The following GCFC2 variants were observed in gnomAD, a reference collection of about 807,000 sequenced individuals.
GCFC2 encodes GC-rich sequence DNA-binding factor 2.
Under a neutral mutation model 99.4 loss-of-function variants are expected in GCFC2, and 102 were observed. The observed-to-expected ratio is 1.03, with a 90% CI of 0.87 to 1.21. The LOEUF (loss-of-function observed/expected upper bound fraction) is 1.21. Among genes scored for constraint, GCFC2 ranks in the 50% most tolerant of loss-of-function variants. The pLI, the probability that GCFC2 is intolerant of heterozygous loss-of-function variation, is 0.00. For missense variants in GCFC2, 973 were observed against 920.9 expected (o/e 1.06, Z -0.73); for synonymous variants, 338 against 316.8 (o/e 1.07, Z -0.71).
intron 12 of GCFC2, among the ~76,000 whole-genome samples, chr2:75,676,044 A>G (rs7590218): frequency 0.5 from 75,766 of 151,896 alleles, 20,466 homozygotes; most frequent in African/African-American, 0.73. Context: ...AATGTTGGGG[A>G]TGGTTGGGGA....
intron 2 of GCFC2, among the ~76,000 whole-genome samples, chr2:75,704,119 GGAGGAATCAATAATGT>G (rs1403771572): frequency 2.0e-5 from 3 of 152,194 alleles, no homozygotes; most frequent in African/African-American, 7.2e-5. Context: ...GGCAGACATA[GGAGGAATCAATAATGT>G]CAGCATATTG....
At chr2:75,669,444 TTTC>T (rs1678988398) in intron 15 of GCFC2, among the ~76,000 whole-genome samples, 1 of 152,190 alleles carries the variant, frequency 6.6e-6, no homozygotes, top group Non-Finnish European at 1.5e-5. Flanking sequence ...TTTCTCATAA[TTTC>T]TTCTTTTGCC....
intron 1 of GCFC2, among the ~76,000 whole-genome samples, chr2:75,708,180 C>T (rs796240851): frequency 5.3e-5 from 8 of 152,218 alleles, no homozygotes; most frequent in African/African-American, 1.9e-4. Context: ...AACATGAGCC[C>T]GGTTGTGCCT....
chr2:75,691,851 G>A, intron 7 of GCFC2, 126 bp downstream of exon 7: 2 of 398,902 alleles, frequency 5.0e-6, no homozygotes, highest in Non-Finnish European at 4.2e-6. Flanking sequence ...GTTTTTGGAA[G>A]TTGGTGGGTA....
intron 4 of GCFC2, 73 bp downstream of exon 4, chr2:75,701,117 G>C (rs984119819): frequency 8.3e-6 from 7 of 838,382 alleles, no homozygotes; most frequent in Non-Finnish European, 1.2e-5. Flanking sequence ...GTGTTCTTTT[G>C]AGTCACCAAG....
intron 11 of GCFC2, among the ~76,000 whole-genome samples, chr2:75,682,305 G>A (rs1558737929): frequency 6.6e-6 from 1 of 151,850 alleles, no homozygotes; most frequent in Non-Finnish European, 1.5e-5. Flanking sequence ...AGGCAAACAG[G>A]GTCTGGAGTG....
chr2:75,711,044 G>A (rs772658283), upstream of GCFC2: 111 of 1,332,550 alleles, frequency 8.3e-5, no homozygotes, highest in Non-Finnish European at 1.0e-4. Context: ...GGTAGGCCGA[G>A]TTCTGTTCTG....
At chr2:75,689,942 T>G in intron 9 of GCFC2, 27 bp downstream of exon 9, 326 of 1,181,718 alleles carry the variant, frequency 2.8e-4, no homozygotes, top group Non-Finnish European at 3.7e-4. Flanking sequence ...ACTCAAACCA[T>G]GATATATTAG....
intron 15 of GCFC2, among the ~76,000 whole-genome samples, chr2:75,666,844 C>T (rs995821174): frequency 1.3e-5 from 2 of 151,954 alleles, no homozygotes; most frequent in African/African-American, 4.8e-5. Context: ...GGTCCGAAAA[C>T]GAGATGCAGA....
intron 5 of GCFC2, 107 bp downstream of exon 5, chr2:75,696,092 CA>C: frequency 1.9e-6 from 1 of 524,488 alleles, no homozygotes; most frequent in South Asian, 3.2e-5. Flanking sequence ...TTTTCCCCCC[CA>C]TAAGTCTGTT....
rs116628710 is a variant in GCFC2 at position 75,667,409 on chromosome 2, T to C, written c.2104-1356A>G. On this transcript the variant is annotated intron_variant, in intron 15 of 16. Coordinates refer to ENST00000321027, the MANE Select transcript of GCFC2 (RefSeq NM_003203.5). ...GGGGAAAAAATTAAAATGCACCCTA[T>C]ATATTATACAGTATATTAAATAAAC... Among the ~76,000 whole-genome samples, 923 of 152,264 alleles carry C rather than the reference T, an allele frequency of 6.1e-3. 6 individuals are homozygous for C. The highest frequency in any genetic ancestry group is 0.017 in the Middle Eastern group (5 of 294).
intron 3 of GCFC2, chr2:75,701,785 A>G (rs900357698): frequency 1.9e-5 from 15 of 801,724 alleles, no homozygotes; most frequent in Non-Finnish European, 2.1e-5. Flanking sequence ...ACAGTCCTTT[A>G]AGGCTTAGTA....
chr2:75,712,749 C>T (rs991074931), upstream of GCFC2, among the ~76,000 whole-genome samples: 1 of 152,052 alleles, frequency 6.6e-6, no homozygotes, highest in Non-Finnish European at 1.5e-5. Flanking sequence ...GAAGAAACTC[C>T]AAACACATCT....
At chr2:75,711,062 A>C (rs1681164376), upstream of GCFC2, 1 of 1,311,434 alleles carries the variant, frequency 7.6e-7, no homozygotes, top group Admixed American at 4.2e-5. Context: ...CTGGGGCCTG[A>C]GTTTGCAAAG....
At position 75,666,110 on chromosome 2, in the gene GCFC2, A is replaced by C. The variant is rs145763501; in HGVS notation, c.2104-57T>G. 51 of 1,384,736 alleles carry C rather than the reference A, an allele frequency of 3.7e-5. No homozygotes were observed. In the East Asian group the frequency reaches 1.1e-3, roughly 29 times the overall value. The allele number at this position is 1,384,736 out of a possible 1,614,324, so 85.8% of individuals were successfully genotyped here. ...TGACAGTTATCTAAGAAATCTTGCTAATATAATCTCATAGTGATACTGTAA... is the reference window on the plus strand; with the variant it reads ...TGACAGTTATCTAAGAAATCTTGCTCATATAATCTCATAGTGATACTGTAA... On this transcript the variant is annotated intron_variant, in intron 15 of 16. Coordinates refer to ENST00000321027, the MANE Select transcript of GCFC2 (RefSeq NM_003203.5).
At chr2:75,710,264 TTG>T (rs1277710589) in intron 1 of GCFC2, among the ~76,000 whole-genome samples, 1 of 152,240 alleles carries the variant, frequency 6.6e-6, no homozygotes, top group African/African-American at 2.4e-5. Context: ...TTGAACTTTG[TTG>T]TGACAGTTTA....
chr2:75,664,695 G>C lies in GCFC2; in HGVS notation c.2317C>G (p.His773Asp). Residue 773 changes from histidine to aspartate, a missense_variant, in exon 17 of 17, where the codon CAT becomes GAT. His to Asp is a moderately conservative substitution (Grantham distance 81). Coordinates refer to ENST00000321027, the MANE Select transcript of GCFC2 (RefSeq NM_003203.5). The stretch of plus-strand genomic sequence containing the variant: ...TCTTCTTTAATTAGTGATTTAAGAT[G>C]GTCTAGGTGATGCTCTCCTATGAAG... ...ESFIGEHHLD[H>D]LKSLIKED 1.3e-6 allele frequency: 2 copies of C among 1,493,964 alleles called. No homozygotes were observed. Among genetic ancestry groups the C allele is most frequent in the South Asian group, 2.3e-5 (2 of 87,840 alleles). 92.5% of individuals were successfully genotyped at this position (1,493,964 alleles called of 1,614,324 possible).
At chr2:75,711,166 G>A (rs960784364), upstream of GCFC2, 2 of 985,116 alleles carry the variant, frequency 2.0e-6, no homozygotes, top group Non-Finnish European at 2.4e-6. Context: ...GAACTCACGT[G>A]CTGTCCTTGT....
chr2:75,696,852 C>T (rs1180447597), intron 4 of GCFC2, among the ~76,000 whole-genome samples: 1 of 152,016 alleles, frequency 6.6e-6, no homozygotes, highest in East Asian at 1.9e-4. Context: ...GTGGCACAAT[C>T]TCGGCTCACT....
Sources: gnomAD v4.1 joint callset for allele counts (sites outside exome capture counted in the v4.1 genomes callset) on GRCh38, gnomAD v4.1.1 for gene constraint, MANE v1.5 for transcripts, NCBI Gene and HGNC (gene_info 2026-07-23, HGNC 2026-07-21) for gene names.